ANKS3: variants seen among roughly 807,000 people sequenced by gnomAD.
ANKS3 encodes ankyrin repeat and sterile alpha motif domain containing 3, also known as ankyrin repeat and SAM domain-containing protein 3.
In ANKS3, 62 loss-of-function variants were observed where a neutral mutation model predicts 80.7. The observed-to-expected ratio is 0.77, with a 90% CI of 0.63 to 0.95. The LOEUF is 0.95. Among genes scored for constraint, ANKS3 ranks in the 40% least tolerant of loss-of-function variants. The pLI, the probability that ANKS3 is intolerant of heterozygous loss-of-function variation, is 0.00. For missense variants in ANKS3, 1,150 were observed against 883.6 expected, an observed-to-expected ratio of 1.30 and a Z score of -3.82; for synonymous variants, 489 against 355.3, an observed-to-expected ratio of 1.38 and a Z score of -4.23.
chr16:4,714,276 T>C (rs1287573093), intron 6 of ANKS3, 90 bp from the exon 7 acceptor site: 2 of 1,538,486 alleles, frequency 1.3e-6, no homozygotes, highest in Non-Finnish European at 1.8e-6. Flanking sequence ...GAAGGGCATA[T>C]GCTGGTTTCT....
chr16:4,723,954 G>T (rs2081231292), intron 6 of ANKS3, among the ~76,000 whole-genome samples: 2 of 152,110 alleles, frequency 1.3e-5, no homozygotes, highest in Non-Finnish European at 2.9e-5. Flanking sequence ...CCAGCTACTT[G>T]GGGGCTGAGG....
At chr16:4,702,324 G>A (rs1294427801) in intron 8 of ANKS3, 82 bp from the exon 9 acceptor site, 33 of 1,363,070 alleles carry the variant, frequency 2.4e-5, no homozygotes, top group Admixed American at 3.6e-5. Context: ...ATGGAGGCAG[G>A]TGACTTCCCA....
At chr16:4,696,987 C>G (rs2079587727) in intron 17 of ANKS3, 30 bp downstream of exon 17, 1 of 1,605,894 alleles carries the variant, frequency 6.2e-7, no homozygotes, top group Admixed American at 1.7e-5. Flanking sequence ...CTGCTCCCAC[C>G]ACGCGGGATC....
At chr16:4,725,229 A>G (rs1171857011) in intron 5 of ANKS3, 1 of 162,438 alleles carries the variant, frequency 6.2e-6, no homozygotes, top group African/African-American at 2.4e-5. Flanking sequence ...CCCACTCTGA[A>G]AAGTTCAAGT....
At chr16:4,728,343 C>A (rs538964417) in intron 3 of ANKS3, among the ~76,000 whole-genome samples, 3 of 152,276 alleles carry the variant, frequency 2.0e-5, no homozygotes, top group East Asian at 1.9e-4. Flanking sequence ...CGCGCCCAGC[C>A]GGGATTCACA....
In ANKS3 at chr16:4,727,156, C is replaced by T. The variant is rs760888610; in HGVS notation, c.192G>A (p.Lys64=). 2 of 1,614,060 alleles carry T rather than the reference C, an allele frequency of 1.2e-6. No individual in the cohort carries two copies. The highest frequency in any genetic ancestry group is 1.7e-6 in the Non-Finnish European group (2 of 1,180,058). ...CVQRRELDLN[K]KNGGGWTPLM... is the part of the protein sequence containing the mutation. ...GCGGGGTCCAGCCACCACCATTCTT[C>T]TTATTCAAATCTAACTCTCTCCTAA... Residue 64 remains lysine, a synonymous_variant, in exon 4 of 18, where the codon AAG becomes AAA. Transcript: ENST00000304283.
intron 6 of ANKS3, among the ~76,000 whole-genome samples, chr16:4,724,259 C>A (rs1256906088): frequency 6.6e-6 from 1 of 151,554 alleles, no homozygotes; most frequent in African/African-American, 2.4e-5. Flanking sequence ...GATAAGATGT[C>A]TATAAGATGT....
rs148410195 is a variant in ANKS3 at position 4,699,126 on chromosome 16, C to T, written c.1335G>A (p.Val445=). The change falls in exon 12 of 18, where the codon GTG becomes GTA. Residue 445 remains valine, a synonymous_variant. Coordinates refer to ENST00000304283, the MANE Select transcript of ANKS3 (RefSeq NM_133450.4). ...GGAGGTCCACGTCCTGCTCCTCAAA[C>T]ACCTGCAGGTACTTCAGACACCCGA... ...EQIGCLKYLQ[V]FEEQDVDLRI... 5.0e-6 allele frequency: 8 copies of T among 1,614,054 alleles called. No homozygotes were observed. In the African/African-American group the frequency reaches 5.3e-5, roughly 11 times the overall value.
At chr16:4,717,949 C>T (rs1282342173) in intron 6 of ANKS3, among the ~76,000 whole-genome samples, 1 of 152,162 alleles carries the variant, frequency 6.6e-6, no homozygotes, top group African/African-American at 2.4e-5. Context: ...GGGCACGCCA[C>T]CACGCCCCGC....
intron 6 of ANKS3, among the ~76,000 whole-genome samples, chr16:4,716,083 C>A (rs1212081764): frequency 6.6e-6 from 1 of 152,046 alleles, no homozygotes; most frequent in Non-Finnish European, 1.5e-5. Flanking sequence ...CACAGCCAGG[C>A]GCCGTGGCTC....
chr16:4,728,653 C>T lies in ANKS3; in HGVS notation c.170+1327G>A, dbSNP rs901511029. 5.9e-5 allele frequency among the ~76,000 whole-genome samples: 9 copies of T among 152,208 alleles called. No individual in the cohort carries two copies. In the South Asian group the frequency reaches 1.2e-3, roughly 21 times the overall value. On this transcript the variant is annotated intron_variant, in intron 3 of 17. Coordinates refer to ENST00000304283, the MANE Select transcript of ANKS3 (RefSeq NM_133450.4). ...CCCCTCAGGCCCCATCCTGTGCTTA[C>T]TATCAGCAAGCCTCCACCTCAGCTA...
At chr16:4,712,394 A>G (rs1319609225) in intron 7 of ANKS3, among the ~76,000 whole-genome samples, 1 of 152,168 alleles carries the variant, frequency 6.6e-6, no homozygotes, top group African/African-American at 2.4e-5. Context: ...ACAAAAAAAA[A>G]GAAGAAAGAA....
At chr16:4,716,872 G>A (rs768131375) in intron 6 of ANKS3, among the ~76,000 whole-genome samples, 6 of 151,868 alleles carry the variant, frequency 4.0e-5, no homozygotes, top group Admixed American at 6.6e-5. Context: ...CTGAGATCGC[G>A]CCACTGCACT....
rs779009518 is a variant in ANKS3, at chr16:4,697,977, C to T, written c.1810G>A (p.Asp604Asn). The T allele has an allele frequency of 3.8e-6, 6 of 1,587,940 alleles. No individual in the cohort carries two copies. The South Asian group carries it at 7.0e-5, about 19-fold the overall frequency. The change falls in exon 15 of 18, where the codon GAC (aspartate) becomes AAC (asparagine). Residue 604 changes from aspartate (D) to asparagine (N), a missense_variant and splice_region_variant. Asp to Asn is a conservative substitution (Grantham distance 23, BLOSUM62 1). Coordinates refer to ENST00000304283, the MANE Select transcript of ANKS3 (RefSeq NM_133450.4). ...ATLGLAVPPA[D>N]SKGWQASLQA... ...TGCGGAGTCAGGCCACTGCTCTTACCAGCTGGGGGGACGGCTAGGCCCAGA... is the reference window on the plus strand; with the variant it reads ...TGCGGAGTCAGGCCACTGCTCTTACTAGCTGGGGGGACGGCTAGGCCCAGA...
intron 6 of ANKS3, among the ~76,000 whole-genome samples, chr16:4,715,339 G>C (rs570674102): frequency 6.6e-6 from 1 of 152,328 alleles, no homozygotes; most frequent in African/African-American, 2.4e-5. Flanking sequence ...CACTGTAACT[G>C]TCCTTCTCTC....
intron 6 of ANKS3, among the ~76,000 whole-genome samples, chr16:4,717,873 GC>G (rs1199904236): frequency 6.6e-6 from 1 of 151,732 alleles, no homozygotes; most frequent in African/African-American, 2.4e-5. Flanking sequence ...TCGGCTCACT[GC>G]AACCTCTGCC....
At position 4,697,035 on chromosome 16, in the gene ANKS3, T is replaced by A; in HGVS notation, c.1964A>T (p.Glu655Val). ...LQVLNGKKWRET is the reference protein window; with the variant it reads ...LQVLNGKKWRVT ...CACTCACCGGCCCGCAGGCTAGGTC[T>A]CCCGCCACTTCTTCCCGTTCAGCAC... Residue 655 changes from glutamate (E) to valine (V), a missense_variant, in exon 17 of 18, where the codon GAG (glutamate) becomes GTG (valine). Physicochemically the swap from Glu to Val is moderately radical, Grantham distance 121. Transcript: ENST00000304283. 1 of 1,609,380 alleles carries A rather than the reference T, an allele frequency of 6.2e-7. No individual in the cohort carries two copies.
chr16:4,722,700 CTGAGTTCA>C (rs2081165806), intron 6 of ANKS3, among the ~76,000 whole-genome samples: 1 of 151,714 alleles, frequency 6.6e-6, no homozygotes, highest in Admixed American at 6.6e-5. Flanking sequence ...GGTGGATTGC[CTGAGTTCA>C]GGAGTTCAAG....
intron 7 of ANKS3, among the ~76,000 whole-genome samples, chr16:4,710,838 C>T (rs552333243): frequency 1.3e-5 from 2 of 152,276 alleles, no homozygotes; most frequent in African/African-American, 2.4e-5. Context: ...CTCGCTCTGT[C>T]GCCAAGCTGG....
Sources: gnomAD v4.1 joint callset for allele counts (sites outside exome capture counted in the v4.1 genomes callset) on GRCh38, gnomAD v4.1.1 for gene constraint, MANE v1.5 for transcripts, NCBI Gene and HGNC (gene_info 2026-07-23, HGNC 2026-07-21) for gene names.